Variants in UNC80 observed in about 807,000 individuals in gnomAD.
UNC80 encodes protein unc-80 homolog.
A neutral mutation model predicts 384.6 loss-of-function variants in UNC80; 164 were observed. The observed-to-expected ratio is 0.43, with a 90% CI of 0.38 to 0.49. UNC80 has a LOEUF of 0.49. UNC80 is among the 20% of genes least tolerant of loss of function. The pLI, the probability that UNC80 is intolerant of heterozygous loss-of-function variation, is 0.00. For missense variants in UNC80, 3,330 were observed against 4,143.0 expected (o/e 0.80, Z 5.39); for synonymous variants, 1,486 against 1,527.8 (o/e 0.97, Z 0.64).
At position 209,888,088 on chromosome 2, in the gene UNC80, A is replaced by G. The variant is rs1242501261; in HGVS notation, c.4111-7A>G. 6.4e-7 allele frequency: 1 copy of G among 1,551,636 alleles called. No individual in the cohort carries two copies. The highest frequency in any genetic ancestry group is 1.4e-5 in the African/African-American group (1 of 73,156). ...CAGCACTCATGTGCTCCTCACTGGCATTTTAGGACTTGGAGAGCTGCAGAC... is the reference window on the plus strand; with the variant it reads ...CAGCACTCATGTGCTCCTCACTGGCGTTTTAGGACTTGGAGAGCTGCAGAC... On this transcript the variant is annotated splice_polypyrimidine_tract_variant and splice_region_variant and intron_variant, in intron 25 of 64. Coordinates refer to ENST00000673920, the MANE Select transcript of UNC80 (RefSeq NM_001371986.1).
At chr2:209,824,694 C>T (rs1288774921) in intron 13 of UNC80, among the ~76,000 whole-genome samples, 4 of 152,134 alleles carry the variant, frequency 2.6e-5, no homozygotes, top group African/African-American at 9.7e-5. Flanking sequence ...TTCAGCACCA[C>T]CTCCACTACA....
intron 7 of UNC80, chr2:209,809,531 C>G: frequency 9.7e-7 from 1 of 1,027,566 alleles, no homozygotes; most frequent in African/African-American, 1.6e-5. Flanking sequence ...TCCCGAATGG[C>G]CCTGCTCCAC....
At chr2:209,944,042 A>G (rs2091788774) in intron 45 of UNC80, among the ~76,000 whole-genome samples, 1 of 152,168 alleles carries the variant, frequency 6.6e-6, no homozygotes, top group African/African-American at 2.4e-5. Context: ...TGATTTAGTC[A>G]TTGACAGTTT....
chr2:209,840,400 C>A, intron 19 of UNC80, 142 bp from the exon 20 acceptor site: 1 of 683,240 alleles, frequency 1.5e-6, no homozygotes, highest in Non-Finnish European at 2.5e-6. Context: ...TTATTCAAAG[C>A]ATGTACATTG....
rs1434695119 is a variant in UNC80, at chr2:209,853,937, AAG to A, written c.3627+4315_3627+4316del. On this transcript the variant is annotated intron_variant, in intron 22 of 64. Transcript: ENST00000673920. ...GAGCCTCATAAGTAGACAGTTTTAG[AAG>A]GAGTGCATATATAATTCTTTTTCAA... is the stretch of plus-strand genomic sequence containing the variant. Among the ~76,000 whole-genome samples the A allele has an allele frequency of 2.2e-5, 3 of 138,350 alleles. No individual in the cohort carries two copies. The East Asian group carries it at 9.4e-4, about 43-fold the overall frequency. 90.8% of individuals were successfully genotyped at this position (138,350 alleles called of 152,430 possible).
At chr2:209,846,621 A>C (rs1282053249) in intron 21 of UNC80, among the ~76,000 whole-genome samples, 1 of 152,136 alleles carries the variant, frequency 6.6e-6, no homozygotes, top group African/African-American at 2.4e-5. Flanking sequence ...TTAAAAGCTT[A>C]TAAAAATGCA....
At chr2:209,831,717 A>G (rs2080982941) in intron 16 of UNC80, 126 bp downstream of exon 16, 3 of 1,111,182 alleles carry the variant, frequency 2.7e-6, no homozygotes, top group South Asian at 2.2e-5. Context: ...TTAAATATCT[A>G]TTTTCCCCGG....
At chr2:209,941,118 C>T (rs1292487458) in intron 43 of UNC80, 103 bp from the exon 44 acceptor site, 5 of 1,365,200 alleles carry the variant, frequency 3.7e-6, no homozygotes, top group Admixed American at 3.0e-5. Flanking sequence ...CATCCTGGAG[C>T]TGGAACAAAC....
intron 38 of UNC80, 91 bp downstream of exon 38, chr2:209,931,145 A>G: frequency 2.0e-6 from 2 of 977,680 alleles, no homozygotes; most frequent in Admixed American, 2.4e-5. Flanking sequence ...CATTAATTAC[A>G]TTACTAAAGG....
chr2:209,902,366 C>T (rs1382939183), intron 28 of UNC80, among the ~76,000 whole-genome samples: 1 of 152,128 alleles, frequency 6.6e-6, no homozygotes, highest in Non-Finnish European at 1.5e-5. Context: ...ATTGCAATGA[C>T]AACAGATAAT....
intron 7 of UNC80, among the ~76,000 whole-genome samples, chr2:209,797,026 A>G (rs1012277957): frequency 6.6e-5 from 10 of 151,994 alleles, no homozygotes; most frequent in African/African-American, 2.4e-4. Flanking sequence ...TTTTATTTCT[A>G]TTGGGTTGCA....
chr2:209,940,302 T>A (rs1421788358), intron 43 of UNC80, among the ~76,000 whole-genome samples: 1 of 152,118 alleles, frequency 6.6e-6, no homozygotes, highest in Non-Finnish European at 1.5e-5. Context: ...ATGGTCTGTA[T>A]ATTGATGGAA....
In UNC80 at chr2:209,929,976, A is replaced by G; in HGVS notation, c.5907+5A>G. On this transcript the variant is annotated splice_donor_5th_base_variant and intron_variant, in intron 37 of 64. Transcript: ENST00000673920. The stretch of plus-strand genomic sequence containing the variant: ...CTGACCATCAGCAATAGACAAGTAA[A>G]TTCCTCTTCCTTTTTAGTGTAGCTC... 6.6e-7 allele frequency: 1 copy of G among 1,523,014 alleles called. No individual in the cohort carries two copies. Among genetic ancestry groups the G allele is most frequent in the African/African-American group, 1.4e-5 (1 of 71,246 alleles). 94.3% of individuals were successfully genotyped at this position (1,523,014 alleles called of 1,614,324 possible). A position where few individuals can be genotyped will look rare whatever the true frequency, so the allele number is the denominator to read the frequency against.
chr2:209,789,866 G>C (rs945503576), intron 6 of UNC80, among the ~76,000 whole-genome samples: 1 of 146,090 alleles, frequency 6.8e-6, no homozygotes, highest in Admixed American at 6.8e-5. Flanking sequence ...GTAATGAGTT[G>C]TGCTTTATCT....
intron 7 of UNC80, among the ~76,000 whole-genome samples, chr2:209,797,386 A>G (rs1018631439): frequency 6.6e-6 from 1 of 152,084 alleles, no homozygotes; most frequent in Non-Finnish European, 1.5e-5. Context: ...ATGTGTTCTC[A>G]ATGTTCAACT....
At chr2:209,818,045 T>C in intron 11 of UNC80, 93 bp downstream of exon 11, 2 of 1,431,006 alleles carry the variant, frequency 1.4e-6, no homozygotes, top group Non-Finnish European at 1.9e-6. Context: ...GTAATCCGCT[T>C]CCTGTGTTTT....
At position 209,888,149 on chromosome 2, in the gene UNC80, G is replaced by A. The variant is rs765501751; in HGVS notation, c.4165G>A (p.Glu1389Lys). The stretch of plus-strand genomic sequence containing the variant: ...TCCCGAGTTGGACCGGCACAGATAT[G>A]AGAGGAAGATCAGCTTTGCTGGGGT... ...LDPELDRHRY[E>K]RKISFAGVLD... The change falls in exon 26 of 65, where the codon GAG (glutamate) becomes AAG (lysine). Residue 1389 changes from glutamate (E) to lysine (K), a missense_variant. Glu to Lys is a moderately conservative substitution (Grantham distance 56). This residue lies in a region of UNC80 where 801 missense variants were observed against 950.8 expected (regional missense o/e 0.84). Coordinates refer to ENST00000673920, the MANE Select transcript of UNC80 (RefSeq NM_001371986.1). 4 of 1,551,702 alleles carry A rather than the reference G, an allele frequency of 2.6e-6. No individual in the cohort carries two copies. The highest frequency in any genetic ancestry group is 3.5e-6 in the Non-Finnish European group (4 of 1,146,998).
intron 47 of UNC80, among the ~76,000 whole-genome samples, chr2:209,952,499 A>C (rs2092231645): frequency 6.6e-6 from 1 of 152,164 alleles, no homozygotes; most frequent in African/African-American, 2.4e-5. Context: ...ATTTCCTCGC[A>C]ATTATGAGGC....
At chr2:209,972,077 A>G (rs527827632) in intron 54 of UNC80, 124 bp from the exon 55 acceptor site, 3 of 1,216,468 alleles carry the variant, frequency 2.5e-6, no homozygotes, top group Non-Finnish European at 2.2e-6. Flanking sequence ...ACAGACAACA[A>G]TTGAACTCAT....
Sources: allele counts gnomAD v4.1 joint callset (sites outside exome capture counted in the v4.1 genomes callset), GRCh38; gene constraint gnomAD v4.1.1; regional missense constraint gnomAD v4.1.1; transcripts MANE v1.5; gene names NCBI Gene and HGNC (gene_info 2026-07-23, HGNC 2026-07-21).